The following TRAPPC10 variants were observed in gnomAD, a reference collection of about 807,000 sequenced individuals.
TRAPPC10 encodes the protein TRAPP 130 kDa subunit.
TRAPPC10 carries 23 observed loss-of-function variants against 125.5 expected under a neutral mutation model. The ratio of observed to expected loss-of-function variants is 0.18; its 90% CI spans 0.13 to 0.26. TRAPPC10 has a LOEUF of 0.26. Among genes scored for constraint, TRAPPC10 ranks in the 10% least tolerant of loss-of-function variants. The pLI is 1.00. For missense variants in TRAPPC10, 1,123 were observed against 1,308.4 expected (o/e 0.86, Z 2.19); for synonymous variants, 509 against 518.0 (o/e 0.98, Z 0.24).
chr21:44,037,717 T>C, intron 2 of TRAPPC10, 75 bp from the exon 3 acceptor site: 1 of 1,520,102 alleles, frequency 6.6e-7, no homozygotes, highest in South Asian at 1.2e-5. Context: ...ATTACATTAT[T>C]TGTTGTTCTA....
chr21:44,037,655 T>G, intron 2 of TRAPPC10, 137 bp from the exon 3 acceptor site: 2 of 966,572 alleles, frequency 2.1e-6, no homozygotes, highest in Non-Finnish European at 3.1e-6. Context: ...CTGAGCAGAA[T>G]AGCGTAGTTA....
chr21:44,019,616 G>A (rs911025969), intron 1 of TRAPPC10, among the ~76,000 whole-genome samples: 5 of 152,076 alleles, frequency 3.3e-5, no homozygotes, highest in African/African-American at 1.2e-4. Flanking sequence ...AATATATCTA[G>A]AATCCAGCTA....
chr21:44,084,730 C>A (rs766764418), intron 15 of TRAPPC10, among the ~76,000 whole-genome samples: 2 of 152,210 alleles, frequency 1.3e-5, no homozygotes, highest in African/African-American at 2.4e-5. Flanking sequence ...CAGTCCCCCC[C>A]TTCCCATGCC....
At chr21:44,052,774 T>C (rs1209269791) in intron 4 of TRAPPC10, among the ~76,000 whole-genome samples, 1 of 151,702 alleles carries the variant, frequency 6.6e-6, no homozygotes, top group Non-Finnish European at 1.5e-5. Flanking sequence ...AGTTCTTCTG[T>C]AGAACGGGTC....
chr21:44,015,748 G>C (rs1331121626), intron 1 of TRAPPC10, among the ~76,000 whole-genome samples: 2 of 151,936 alleles, frequency 1.3e-5, no homozygotes, highest in African/African-American at 4.8e-5. Flanking sequence ...CCAAGTAGCT[G>C]GGATTACAGG....
At chr21:44,026,991 C>A (rs1438889179) in intron 1 of TRAPPC10, among the ~76,000 whole-genome samples, 1 of 152,198 alleles carries the variant, frequency 6.6e-6, no homozygotes, top group African/African-American at 2.4e-5. Context: ...AATAAGACAG[C>A]CCATTAGGTG....
At chr21:44,093,057 A>G (rs2038695147) in intron 19 of TRAPPC10, among the ~76,000 whole-genome samples, 1 of 152,180 alleles carries the variant, frequency 6.6e-6, no homozygotes, top group African/African-American at 2.4e-5. Context: ...TTGGCCTCCT[A>G]AAGTGTTGGG....
At chr21:44,044,025 A>G (rs1008355750) in intron 3 of TRAPPC10, among the ~76,000 whole-genome samples, 4 of 152,212 alleles carry the variant, frequency 2.6e-5, no homozygotes. Context: ...TTACACCACT[A>G]TAGCTTGGAG....
chr21:44,093,707 G>T (rs1372228569), intron 19 of TRAPPC10, among the ~76,000 whole-genome samples: 1 of 152,034 alleles, frequency 6.6e-6, no homozygotes, highest in African/African-American at 2.4e-5. Flanking sequence ...GCAGTGAGCC[G>T]AGATCCTATC....
At chr21:44,022,450 ATTTTTTTTT>A (rs71197876) in intron 1 of TRAPPC10, among the ~76,000 whole-genome samples, 18 of 96,966 alleles carry the variant, frequency 1.9e-4, no homozygotes, top group Admixed American at 3.7e-4. Context: ...TGCCCAGCTA[ATTTTTTTTT>A]TTTTTTTTTT....
In TRAPPC10 at chr21:44,059,650, A is replaced by C; in HGVS notation, c.790+436A>C. 1 of 591,684 alleles carries C rather than the reference A, an allele frequency of 1.7e-6. No individual in the cohort carries two copies. The highest frequency in any genetic ancestry group is 1.9e-5 in the African/African-American group (1 of 54,010). The allele number at this position is 591,684 out of a possible 1,614,324, so 36.7% of individuals were successfully genotyped here. A position where few individuals can be genotyped will look rare whatever the true frequency, so the allele number is the denominator to read the frequency against. On this transcript the variant is annotated intron_variant, in intron 6 of 22. Transcript: ENST00000291574. The surrounding 1 kb of genome is among the most constrained non-coding windows in gnomAD (Gnocchi z 4.4). The stretch of plus-strand genomic sequence containing the variant: ...TCATCTTTCTTTTGCACTTTTAAAT[A>C]ATATCTTAAGCTCCTTTACAATTAA...
intron 7 of TRAPPC10, among the ~76,000 whole-genome samples, chr21:44,066,769 C>T (rs932069614): frequency 1.6e-4 from 24 of 152,172 alleles, no homozygotes; most frequent in African/African-American, 5.3e-4. Flanking sequence ...CTTATACATA[C>T]ATCTTTGTGT....
chr21:44,059,008 C>T lies in TRAPPC10; in HGVS notation c.679-95C>T, dbSNP rs1034274759. 5 of 826,078 alleles carry T rather than the reference C, an allele frequency of 6.1e-6. No homozygotes were observed. The African/African-American group carries it at 7.1e-5, about 12-fold the overall frequency. The allele number at this position is 826,078 out of a possible 1,614,324, so 51.2% of individuals were successfully genotyped here. On this transcript the variant is annotated intron_variant, in intron 5 of 22. Coordinates refer to ENST00000291574, the MANE Select transcript of TRAPPC10 (RefSeq NM_003274.5). This position sits in a 1 kb window ranked among gnomAD's most constrained non-coding sequence, Gnocchi z 4.4. ...AGCGTAGACATTATTCATAGTGCTG[C>T]GTGCCTTTCTCTGTCGTTTAATGGC...
chr21:44,079,321 G>T (rs1043253691), intron 11 of TRAPPC10, among the ~76,000 whole-genome samples: 1 of 152,120 alleles, frequency 6.6e-6, no homozygotes, highest in Non-Finnish European at 1.5e-5. Context: ...CCAGACCAAC[G>T]ATGTGTTGTG....
chr21:44,081,889 G>A (rs2037773319), intron 13 of TRAPPC10, among the ~76,000 whole-genome samples: 1 of 151,974 alleles, frequency 6.6e-6, no homozygotes, highest in Admixed American at 6.6e-5. Flanking sequence ...AAAGAAAGGG[G>A]GACAACAAAA....
intron 3 of TRAPPC10, among the ~76,000 whole-genome samples, chr21:44,048,195 C>A (rs535645785): frequency 1.3e-5 from 2 of 152,176 alleles, no homozygotes; most frequent in Non-Finnish European, 2.9e-5. Flanking sequence ...GGCCCTGTGC[C>A]GGTCTACTTT....
chr21:44,079,738 T>G, intron 12 of TRAPPC10, 34 bp downstream of exon 12: 1 of 1,591,320 alleles, frequency 6.3e-7, no homozygotes, highest in Non-Finnish European at 8.5e-7. Flanking sequence ...GCAGGAAAAT[T>G]ATTTTCTGTT....
At chr21:44,088,210 C>G in intron 17 of TRAPPC10, 2 of 459,466 alleles carry the variant, frequency 4.4e-6, no homozygotes, top group Non-Finnish European at 8.0e-6. Flanking sequence ...GCATGAGGGG[C>G]GTAAAACTTG....
At chr21:44,035,103 C>T (rs910651072) in intron 2 of TRAPPC10, among the ~76,000 whole-genome samples, 1 of 152,158 alleles carries the variant, frequency 6.6e-6, no homozygotes, top group African/African-American at 2.4e-5. Flanking sequence ...GGATGTGTCC[C>T]CAAACATTCT....
Sources: gnomAD v4.1 joint callset for allele counts (sites outside exome capture counted in the v4.1 genomes callset) on GRCh38, gnomAD v4.1.1 for gene constraint, Gnocchi (gnomAD v3.1) non-coding constraint, MANE v1.5 for transcripts, NCBI Gene and HGNC (gene_info 2026-07-23, HGNC 2026-07-21) for gene names.